The following CD109 variants were observed in gnomAD, a reference collection of about 807,000 sequenced individuals.
CD109 encodes the protein CD109 molecule.
A neutral mutation model predicts 165.8 loss-of-function variants in CD109; 149 were observed. The ratio of observed to expected loss-of-function variants is 0.90; its 90% CI spans 0.79 to 1.03. The LOEUF (loss-of-function observed/expected upper bound fraction) is 1.03, where lower values mean the gene tolerates loss of function less well. Ranked by LOEUF, CD109 falls within the 50% of genes least tolerant of loss-of-function variation. CD109 has a pLI of 0.00. For missense variants in CD109, 1,712 were observed against 1,677.8 expected (o/e 1.02, Z -0.36); for synonymous variants, 585 against 592.1 (o/e 0.99, Z 0.18).
chr6:73,707,986 ATAT>A (rs1390848899), intron 2 of CD109, among the ~76,000 whole-genome samples: 1 of 68,640 alleles, frequency 1.5e-5, no homozygotes, highest in Admixed American at 1.8e-4. Context: ...ATATATATAT[ATAT>A]ATATATATAT....
chr6:73,769,345 T>A (rs1345230777), intron 14 of CD109, among the ~76,000 whole-genome samples: 1 of 152,222 alleles, frequency 6.6e-6, no homozygotes, highest in Non-Finnish European at 1.5e-5. Flanking sequence ...GTGATCCTAG[T>A]AATTGCCTGA....
At chr6:73,723,226 GT>G in intron 2 of CD109, 24 bp from the exon 3 acceptor site, 1 of 1,612,300 alleles carries the variant, frequency 6.2e-7, no homozygotes, top group Non-Finnish European at 8.5e-7. Flanking sequence ...TGCTAACTCT[GT>G]TTTCTTTCCT....
rs183143415 is a variant in CD109 at position 73,730,059 on chromosome 6, G to A, written c.277-285G>A. ...ACCTGCAATAACTGTTAGGGAGGATGAATTTGCACTTGGAATAGGAAATGG... is the reference window on the plus strand; with the variant it reads ...ACCTGCAATAACTGTTAGGGAGGATAAATTTGCACTTGGAATAGGAAATGG... On this transcript the variant is annotated intron_variant, in intron 3 of 32. Coordinates refer to ENST00000287097, the MANE Select transcript of CD109 (RefSeq NM_133493.5). 1.3e-3 allele frequency among the ~76,000 whole-genome samples: 202 copies of A among 152,308 alleles called. 1 individual carries two copies. Among genetic ancestry groups the A allele is most frequent in the African/African-American group, 4.8e-3 (198 of 41,566 alleles).
intron 2 of CD109, among the ~76,000 whole-genome samples, chr6:73,708,176 G>A (rs1771370969): frequency 6.6e-6 from 1 of 151,826 alleles, no homozygotes; most frequent in South Asian, 2.1e-4. Flanking sequence ...AGGCCCCGGT[G>A]TGTGATGTTC....
chr6:73,756,692 C>A lies in CD109; in HGVS notation c.673+10C>A. 1 of 1,518,684 alleles carries A rather than the reference C, an allele frequency of 6.6e-7. No homozygotes were observed. The highest frequency in any genetic ancestry group is 1.3e-5 in the South Asian group (1 of 79,260). 94.1% of individuals were successfully genotyped at this position (1,518,684 alleles called of 1,614,324 possible). On this transcript the variant is annotated intron_variant, in intron 6 of 32. Coordinates refer to ENST00000287097, the MANE Select transcript of CD109 (RefSeq NM_133493.5). ...CAGGTTTCAGAATATGGTAAGAGTT[C>A]CTCAATCTATTTTGGAAGAAAAAAA...
rs146936191 is a variant in CD109 at position 73,825,294 on chromosome 6, T to C, written c.*1661T>C. On this transcript the variant is annotated 3_prime_UTR_variant, in exon 33 of 33. Transcript: ENST00000287097. ...AATTTTCTTGCCTTTTTTTCTTAAG[T>C]GGGGAAAAGTTTCTAGATCTCTTAC... 6.6e-6 allele frequency: 1 copy of C among 152,250 alleles called. No homozygotes were observed. Among genetic ancestry groups the C allele is most frequent in the African/African-American group, 2.4e-5 (1 of 41,552 alleles). The allele number at this position is 152,250 out of a possible 1,614,324, so 9.4% of individuals were successfully genotyped here.
intron 26 of CD109, among the ~76,000 whole-genome samples, chr6:73,809,397 G>A (rs369347116): frequency 3.9e-5 from 6 of 152,178 alleles, no homozygotes; most frequent in Admixed American, 1.3e-4. Context: ...GATAAGTAAC[G>A]TGCATTATCT....
intron 3 of CD109, among the ~76,000 whole-genome samples, chr6:73,725,504 C>CCTTTTT (rs1554169656): frequency 2.2e-5 from 2 of 89,440 alleles, no homozygotes; most frequent in Non-Finnish European, 4.2e-5. Context: ...TACTACACTT[C>CCTTTTT]TTTTTTTTTT....
At chr6:73,798,601 G>A (rs1226828317) in intron 23 of CD109, among the ~76,000 whole-genome samples, 1 of 152,096 alleles carries the variant, frequency 6.6e-6, no homozygotes, top group Non-Finnish European at 1.5e-5. Flanking sequence ...TGGGAGCAGA[G>A]CTGGTGGTTT....
chr6:73,740,266 A>C (rs1772721665), intron 5 of CD109, among the ~76,000 whole-genome samples: 2 of 152,346 alleles, frequency 1.3e-5, no homozygotes, highest in African/African-American at 4.8e-5. Context: ...CTCTTTAAGA[A>C]TTACCGGAGT....
Position 73,762,734 on chromosome 6 carries a change from A to G in CD109, c.856-7A>G. ...GGTAAATAATACTGAACTTTTAAAC[A>G]AAACAGATAAATGGATCTGCAAACT... is the stretch of plus-strand genomic sequence containing the variant. On this transcript the variant is annotated splice_polypyrimidine_tract_variant and splice_region_variant and intron_variant, in intron 8 of 32. Coordinates refer to ENST00000287097, the MANE Select transcript of CD109 (RefSeq NM_133493.5). The G allele has an allele frequency of 6.3e-7, 1 of 1,590,400 alleles. No homozygotes were observed. The highest frequency in any genetic ancestry group is 8.6e-7 in the Non-Finnish European group (1 of 1,167,996).
intron 3 of CD109, among the ~76,000 whole-genome samples, chr6:73,729,606 A>G (rs781264545): frequency 6.6e-6 from 1 of 151,650 alleles, no homozygotes; most frequent in Non-Finnish European, 1.5e-5. Context: ...TGCAACCTCC[A>G]TGTTCAAGCG....
At chr6:73,692,417 G>T (rs1770706999), upstream of CD109, among the ~76,000 whole-genome samples, 1 of 152,084 alleles carries the variant, frequency 6.6e-6, no homozygotes, top group South Asian at 2.1e-4. Context: ...TCTTAAAGGA[G>T]ATATAATATA....
At chr6:73,791,290 T>C (rs1247388237) in intron 22 of CD109, among the ~76,000 whole-genome samples, 1 of 144,654 alleles carries the variant, frequency 6.9e-6, no homozygotes, top group East Asian at 2.0e-4. Context: ...CTTGAACTTC[T>C]GAGCTCATGT....
Position 73,730,659 on chromosome 6 carries a change from G to C in CD109, c.507+85G>C, listed in dbSNP as rs1772332768. On this transcript the variant is annotated intron_variant, in intron 4 of 32. Transcript: ENST00000287097. The stretch of plus-strand genomic sequence containing the variant: ...AAGTTCTGCTTGTGTTACTGACACT[G>C]GAATATTTTAGAATTCACCTAAGAT... 1.1e-5 allele frequency: 9 copies of C among 822,872 alleles called. No individual in the cohort carries two copies. The East Asian group carries it at 2.4e-4, about 22-fold the overall frequency. 51.0% of individuals were successfully genotyped at this position (822,872 alleles called of 1,614,324 possible). A position where few individuals can be genotyped will look rare whatever the true frequency, so the allele number is the denominator to read the frequency against.
intron 32 of CD109, among the ~76,000 whole-genome samples, chr6:73,821,093 G>T (rs1582214794): frequency 6.6e-6 from 1 of 152,122 alleles, no homozygotes; most frequent in South Asian, 2.1e-4. Context: ...GCACTCATAG[G>T]TGGGAATTGA....
At chr6:73,820,787 A>G (rs1776080815) in intron 32 of CD109, among the ~76,000 whole-genome samples, 1 of 152,200 alleles carries the variant, frequency 6.6e-6, no homozygotes, top group African/African-American at 2.4e-5. Flanking sequence ...TTTAAAAATG[A>G]TATATTTTTT....
chr6:73,745,992 A>G (rs1562043537), intron 5 of CD109, among the ~76,000 whole-genome samples: 1 of 152,256 alleles, frequency 6.6e-6, no homozygotes. Context: ...TGCCTTCCAA[A>G]GGGCTGGGAT....
chr6:73,692,505 G>C (rs183150411), upstream of CD109, among the ~76,000 whole-genome samples: 3 of 152,162 alleles, frequency 2.0e-5, no homozygotes, highest in East Asian at 5.8e-4. Flanking sequence ...TATCCTTCAA[G>C]TCTTTCTTCA....
Sources: allele counts gnomAD v4.1 joint callset (sites outside exome capture counted in the v4.1 genomes callset), GRCh38; gene constraint gnomAD v4.1.1; transcripts MANE v1.5; gene names NCBI Gene and HGNC (gene_info 2026-07-23, HGNC 2026-07-21).